Variants in KLHL21 observed in about 807,000 individuals in gnomAD.
KLHL21 encodes kelch-like protein 21.
Under a neutral mutation model 44.1 loss-of-function variants are expected in KLHL21, and 42 were observed. The observed-to-expected ratio is 0.95, with a 90% confidence interval of 0.74 to 1.23. KLHL21 has a LOEUF of 1.23. Among genes scored for constraint, KLHL21 ranks in the 50% most tolerant of loss-of-function variants. The pLI is 0.00. For synonymous variants in KLHL21, 524 were observed against 411.6 expected, an observed-to-expected ratio of 1.27 and a Z score of -3.31; for missense variants, 918 against 889.1, an observed-to-expected ratio of 1.03 and a Z score of -0.41.
In KLHL21 at chr1:6,602,737, C is replaced by G. The variant is rs754815383; in HGVS notation, c.81G>C (p.Gln27His). Residue 27 changes from glutamine to histidine, a missense_variant, in exon 1 of 4, where the codon CAG becomes CAC. By Grantham distance (24) the Gln-to-His change is conservative. Transcript: ENST00000377658. ...CCAGGAACTTGCGCTCGGCGCGCAG[C>G]TGGCTCAGGCCGCGCAGCAGGCTCA... Reference protein sequence around the residue: ...HALSLLRGLSQLRAERKFLDV... With the variant: ...HALSLLRGLSHLRAERKFLDV... The G allele has an allele frequency of 1.3e-6, 2 of 1,510,752 alleles. No homozygotes were observed. Among genetic ancestry groups the G allele is most frequent in the South Asian group, 1.2e-5 (1 of 81,654 alleles). 93.6% of individuals were successfully genotyped at this position (1,510,752 alleles called of 1,614,324 possible).
intron 1 of KLHL21, among the ~76,000 whole-genome samples, chr1:6,600,558 G>C (rs1274544375): frequency 1.3e-5 from 2 of 152,202 alleles, no homozygotes; most frequent in Admixed American, 6.5e-5. Flanking sequence ...GCAAGTTCTT[G>C]TTCTTAGGAA....
In KLHL21 at chr1:6,599,081, T is replaced by C. The variant is rs936287411; in HGVS notation, c.1393A>G (p.Thr465Ala). 3 of 1,606,790 alleles carry C rather than the reference T, an allele frequency of 1.9e-6. No individual in the cohort carries two copies. The Admixed American group carries it at 5.1e-5, about 27-fold the overall frequency. ...TACATGAGTCCGTTTAGAGTCGCAG[T>C]CTTGGGGGCGAAGGACCAGGGCGGG... ...QLPPWSFAPK[T>A]ATLNGLMYFV... is the part of the protein sequence containing the mutation. Residue 465 changes from threonine (T) to alanine (A), a missense_variant, in exon 2 of 4, where the codon ACT (threonine) becomes GCT (alanine). Coordinates refer to ENST00000377658, the MANE Select transcript of KLHL21 (RefSeq NM_014851.4).
At position 6,602,025 on chromosome 1, in the gene KLHL21, A is replaced by T; in HGVS notation, c.793T>A (p.Tyr265Asn). The T allele has an allele frequency of 6.5e-7, 1 of 1,532,330 alleles. No homozygotes were observed. The highest frequency in any genetic ancestry group is 8.8e-7 in the Non-Finnish European group (1 of 1,136,664). 94.9% of individuals were successfully genotyped at this position (1,532,330 alleles called of 1,614,324 possible). ...REARDFQAAR[Y>N]DRHDRGPCPR... ...CAGGGCCCGCGGTCGTGGCGGTCGT[A>T]GCGCGCCGCCTGGAAGTCGCGCGCC... The change falls in exon 1 of 4, where the codon TAC becomes AAC. Residue 265 changes from tyrosine (Y) to asparagine (N), a missense_variant. Coordinates refer to ENST00000377658, the MANE Select transcript of KLHL21 (RefSeq NM_014851.4).
At chr1:6,593,896 C>G in intron 3 of KLHL21, 4 of 1,303,406 alleles carry the variant, frequency 3.1e-6, no homozygotes, top group Non-Finnish European at 3.9e-6. Context: ...CAGCGCCAGG[C>G]CTCCCCGTGT....
At position 6,599,327 on chromosome 1, in the gene KLHL21, G is replaced by C; in HGVS notation, c.1147C>G (p.Leu383Val). The C allele has an allele frequency of 1.9e-6, 3 of 1,613,940 alleles. No individual in the cohort carries two copies. The highest frequency in any genetic ancestry group is 2.5e-6 in the Non-Finnish European group (3 of 1,180,016). The part of the protein sequence containing the change: ...EYHSSSVLDG[L>V]LYVVAADSTE... ...CTGTCGGCGGCCACCACGTACAGCA[G>C]TCCGTCCAGCACAGAGGAGCTGTGG... Residue 383 changes from leucine to valine, a missense_variant, in exon 2 of 4, where the codon CTG becomes GTG. Physicochemically the swap from Leu to Val is conservative, Grantham distance 32 (BLOSUM62 1). Coordinates refer to ENST00000377658, the MANE Select transcript of KLHL21 (RefSeq NM_014851.4).
intron 3 of KLHL21, chr1:6,594,407 G>A (rs903617160): frequency 6.6e-6 from 1 of 152,334 alleles, no homozygotes; most frequent in East Asian, 1.9e-4. Flanking sequence ...CTCAACACAA[G>A]TATTCCCACA....
At chr1:6,596,105 A>G (rs1640924703) in intron 2 of KLHL21, among the ~76,000 whole-genome samples, 1 of 152,222 alleles carries the variant, frequency 6.6e-6, no homozygotes, top group Admixed American at 6.5e-5. Flanking sequence ...CAGCCTTGAA[A>G]AGCAAAGATG....
chr1:6,601,716 G>A (rs1005199356), intron 1 of KLHL21, 81 bp downstream of exon 1: 1 of 1,463,968 alleles, frequency 6.8e-7, no homozygotes, highest in Non-Finnish European at 9.1e-7. Context: ...CAGGCTCTGT[G>A]CGCTTCCCCC....
chr1:6,601,709 G>A (rs1160617441), intron 1 of KLHL21, 88 bp downstream of exon 1: 3 of 1,459,798 alleles, frequency 2.1e-6, no homozygotes, highest in Middle Eastern at 2.0e-4. Flanking sequence ...AGGATTCCAG[G>A]CTCTGTGCGC....
chr1:6,594,201 T>G, intron 3 of KLHL21: 1 of 468,232 alleles, frequency 2.1e-6, no homozygotes, highest in Non-Finnish European at 2.8e-6. Flanking sequence ...GAGTGTAGGT[T>G]TGGAAATGTT....
At chr1:6,601,185 T>G (rs906815231) in intron 1 of KLHL21, among the ~76,000 whole-genome samples, 1 of 152,212 alleles carries the variant, frequency 6.6e-6, no homozygotes, top group African/African-American at 2.4e-5. Context: ...GGGACCCGCC[T>G]ACCATGACTC....
chr1:6,600,241 T>C (rs1248143302), intron 1 of KLHL21, among the ~76,000 whole-genome samples: 3 of 152,124 alleles, frequency 2.0e-5, no homozygotes, highest in Admixed American at 2.0e-4. Context: ...AGACGGGGTT[T>C]CGCCATGTTG....
intron 2 of KLHL21, among the ~76,000 whole-genome samples, chr1:6,596,039 A>T (rs1640923572): frequency 2.0e-5 from 3 of 152,096 alleles, no homozygotes; most frequent in East Asian, 1.9e-4. Context: ...TGGGGTCAAG[A>T]CCCTTCAACT....
rs1259016197 is a variant in KLHL21, at chr1:6,602,583, GGCGCACCCGCTCGGCGCGGCTCTC to G, written c.211_234del (p.Glu71_Arg78del). On this transcript the variant is annotated inframe_deletion, in exon 1 of 4. Coordinates refer to ENST00000377658, the MANE Select transcript of KLHL21 (RefSeq NM_014851.4). ...AGCATGTCGGGAGGCACTCCGTGCAGGCGCACCCGCTCGGCGCGGCTCTCGCGCAGCTGCCCCGCGAACATGGCG... is the reference window on the plus strand; with the variant it reads ...AGCATGTCGGGAGGCACTCCGTGCAGGCGCAGCTGCCCCGCGAACATGGCG... 2 of 1,530,934 alleles carry G rather than the reference GGCGCACCCGCTCGGCGCGGCTCTC, an allele frequency of 1.3e-6. No individual in the cohort carries two copies. Among genetic ancestry groups the G allele is most frequent in the Non-Finnish European group, 8.7e-7 (1 of 1,143,944 alleles). 94.8% of individuals were successfully genotyped at this position (1,530,934 alleles called of 1,614,324 possible). A position where few individuals can be genotyped will look rare whatever the true frequency, so the allele number is the denominator to read the frequency against.
Position 6,602,443 on chromosome 1 carries a change from G to A in KLHL21, c.375C>T (p.Cys125=). 6.3e-7 allele frequency: 1 copy of A among 1,589,388 alleles called. No individual in the cohort carries two copies. The highest frequency in any genetic ancestry group is 1.7e-5 in the Admixed American group (1 of 58,294). ...CGAGCTGCTGCTGCAGGAAGGCCCC[G>A]CACGCCTCCTTCACGGCCGGGAACT... ...LLQFPAVKEA[C]GAFLQQQLDL... The change falls in exon 1 of 4, where the codon TGC becomes TGT. Residue 125 remains cysteine, a synonymous_variant. Transcript: ENST00000377658.
rs746935035 is a variant in KLHL21 at position 6,602,731 on chromosome 1, G to A, written c.87C>T (p.Arg29=). ...LSLLRGLSQL[R]AERKFLDVTL... ...TCACGTCCAGGAACTTGCGCTCGGC[G>A]CGCAGCTGGCTCAGGCCGCGCAGCA... The change falls in exon 1 of 4, where the codon CGC becomes CGT. Residue 29 remains arginine (R), a synonymous_variant. Coordinates refer to ENST00000377658, the MANE Select transcript of KLHL21 (RefSeq NM_014851.4). 2.3e-5 allele frequency: 35 copies of A among 1,511,840 alleles called. No individual in the cohort carries two copies. The Middle Eastern group carries it at 1.1e-3, about 49-fold the overall frequency. 93.7% of individuals were successfully genotyped at this position (1,511,840 alleles called of 1,614,324 possible).
intron 1 of KLHL21, among the ~76,000 whole-genome samples, chr1:6,600,819 G>A (rs370277287): frequency 3.9e-4 from 59 of 152,240 alleles, no homozygotes; most frequent in African/African-American, 1.4e-3. Context: ...GGATTGGAAA[G>A]AGGCACAGAT....
chr1:6,595,259 T>A (rs928478201), intron 3 of KLHL21: 2 of 637,470 alleles, frequency 3.1e-6, no homozygotes, highest in Non-Finnish European at 5.8e-6. Context: ...AGATACTCAA[T>A]AAACACTGCT....
In KLHL21 at chr1:6,599,145, C is replaced by T. The variant is rs551353971; in HGVS notation, c.1329G>A (p.Pro443=). 121 of 1,613,828 alleles carry T rather than the reference C, an allele frequency of 7.5e-5. No homozygotes were observed. The highest frequency in any genetic ancestry group is 9.8e-5 in the Non-Finnish European group (116 of 1,180,022). ...CCACCAGCGACCACAGGTCGGTGTC[C>T]GGGTCGTAGCACTGCATCACCATGG... is the stretch of plus-strand genomic sequence containing the variant. The part of the protein sequence containing the change: ...KETMVMQCYD[P]DTDLWSLVDC... Residue 443 remains proline (P), a synonymous_variant, in exon 2 of 4, where the codon CCG becomes CCA. Transcript: ENST00000377658.
Sources: allele counts gnomAD v4.1 joint callset (sites outside exome capture counted in the v4.1 genomes callset), GRCh38; gene constraint gnomAD v4.1.1; transcripts MANE v1.5; gene names NCBI Gene and HGNC (gene_info 2026-07-23, HGNC 2026-07-21).